Variants in NPAT observed in about 807,000 individuals in gnomAD.
The protein encoded by NPAT is protein NPAT.
In NPAT, 52 loss-of-function variants were observed where a neutral mutation model predicts 130.7. The ratio of observed to expected loss-of-function variants is 0.40; its 90% CI spans 0.32 to 0.50. The LOEUF (loss-of-function observed/expected upper bound fraction) is 0.50. NPAT is among the 20% of genes least tolerant of loss of function. The pLI is 0.68. For missense variants in NPAT, 1,687 were observed against 1,662.6 expected (o/e 1.01, Z -0.26); for synonymous variants, 580 against 584.8 (o/e 0.99, Z 0.12).
Position 108,160,818 on chromosome 11 carries a change from T to A in NPAT, c.4206+62A>T, listed in dbSNP as rs967072005. ...AGTTGTTGTGGCAAGAACTGCTGAA[T>A]TCGCTAATCACTAAAGCGGAAAAAA... On this transcript the variant is annotated intron_variant, in intron 17 of 17. Transcript: ENST00000278612. The A allele has an allele frequency of 7.5e-6, 11 of 1,457,508 alleles. No homozygotes were observed. The Admixed American group carries it at 2.1e-4, about 28-fold the overall frequency. 90.3% of individuals were successfully genotyped at this position (1,457,508 alleles called of 1,614,324 possible).
chr11:108,170,104 CAAAT>C lies in NPAT; in HGVS notation c.2786-65_2786-62del, dbSNP rs1397754341. 1.6e-5 allele frequency: 17 copies of C among 1,033,828 alleles called. 1 individual carries two copies. The highest frequency in any genetic ancestry group is 7.6e-5 in the South Asian group (6 of 78,468). 64.0% of individuals were successfully genotyped at this position (1,033,828 alleles called of 1,614,324 possible). Reference sequence around the variant, plus strand: ...CTGAAATGTTTTGGCACAAAACAAACAAATGTTTGGCACAAATTAATTACTGCTT... The same window carrying C: ...CTGAAATGTTTTGGCACAAAACAAACGTTTGGCACAAATTAATTACTGCTT... On this transcript the variant is annotated intron_variant, in intron 13 of 17. Transcript: ENST00000278612.
In NPAT at chr11:108,188,080, C is replaced by G. The variant is rs1164541972; in HGVS notation, c.638+18G>C. On this transcript the variant is annotated intron_variant, in intron 7 of 17. Transcript: ENST00000278612. ...TTTAATGGATACGGGTAACTTGTCT[C>G]TTTTAAAAAGCATTTACCTTTTGCG... is the stretch of plus-strand genomic sequence containing the variant. 6.5e-7 allele frequency: 1 copy of G among 1,544,600 alleles called. No individual in the cohort carries two copies. The highest frequency in any genetic ancestry group is 8.9e-7 in the Non-Finnish European group (1 of 1,124,828).
intron 11 of NPAT, 132 bp from the exon 12 acceptor site, chr11:108,176,506 C>T: frequency 2.9e-6 from 2 of 692,960 alleles, no homozygotes; most frequent in South Asian, 1.7e-5. Context: ...AAAAATGTTG[C>T]TTTTAATATC....
chr11:108,193,711 T>C (rs753171020), intron 3 of NPAT, among the ~76,000 whole-genome samples: 10 of 151,832 alleles, frequency 6.6e-5, no homozygotes, highest in South Asian at 2.1e-4. Flanking sequence ...GGCAACAAGA[T>C]TGAAACTCCG....
At chr11:108,201,477 T>C (rs2078274906) in intron 1 of NPAT, among the ~76,000 whole-genome samples, 1 of 152,136 alleles carries the variant, frequency 6.6e-6, no homozygotes, top group Non-Finnish European at 1.5e-5. Context: ...AGGGAAGACA[T>C]TCAATCTTTA....
chr11:108,193,445 G>A (rs2134869657), intron 3 of NPAT, among the ~76,000 whole-genome samples: 1 of 152,272 alleles, frequency 6.6e-6, no homozygotes, highest in Non-Finnish European at 1.5e-5. Context: ...CAAACAAATG[G>A]CTGGGGGCAG....
At position 108,196,384 on chromosome 11, in the gene NPAT, C is replaced by T. The variant is rs531198348; in HGVS notation, c.156+918G>A. On this transcript the variant is annotated intron_variant, in intron 2 of 17. Transcript: ENST00000278612. ...GTCTTGAAGTCTGGTAATGTGAGTC[C>T]TCCAAGTTGTTCTTTTTCAGAAACT... Among the ~76,000 whole-genome samples, 3 of 152,342 alleles carry T rather than the reference C, an allele frequency of 2.0e-5. No individual in the cohort carries two copies. The East Asian group carries it at 5.8e-4, about 29-fold the overall frequency.
chr11:108,168,714 A>G (rs1191956490), intron 15 of NPAT, among the ~76,000 whole-genome samples: 4 of 152,232 alleles, frequency 2.6e-5, no homozygotes, highest in Non-Finnish European at 5.9e-5. Context: ...TCGAAGGATA[A>G]ATAAGAACCA....
At chr11:108,190,939 T>C (rs533432049) in intron 4 of NPAT, among the ~76,000 whole-genome samples, 1 of 152,266 alleles carries the variant, frequency 6.6e-6, no homozygotes, top group African/African-American at 2.4e-5. Context: ...CCAGGTGGCA[T>C]GTGCCAGTAG....
intron 1 of NPAT, among the ~76,000 whole-genome samples, chr11:108,216,868 T>G (rs961035054): frequency 2.6e-5 from 4 of 152,214 alleles, no homozygotes; most frequent in African/African-American, 9.6e-5. Context: ...TAGATTAGAT[T>G]TGATGTATTC....
At chr11:108,197,021 A>G (rs564617014) in intron 2 of NPAT, among the ~76,000 whole-genome samples, 5 of 151,696 alleles carry the variant, frequency 3.3e-5, no homozygotes, top group East Asian at 3.9e-4. Context: ...GGTCAGGAAG[A>G]AAAAAAAAGG....
intron 1 of NPAT, among the ~76,000 whole-genome samples, chr11:108,199,006 G>T (rs548541556): frequency 6.6e-6 from 1 of 152,254 alleles, no homozygotes; most frequent in South Asian, 2.1e-4. Context: ...GGAAGCAGGA[G>T]TGGGGCTGGG....
At chr11:108,165,800 AT>A (rs2077897218) in intron 15 of NPAT, among the ~76,000 whole-genome samples, 1 of 151,576 alleles carries the variant, frequency 6.6e-6, no homozygotes, top group African/African-American at 2.4e-5. Context: ...CGCCTGGCTA[AT>A]TTTTTGTATT....
At chr11:108,167,923 C>A (rs193160162) in intron 15 of NPAT, among the ~76,000 whole-genome samples, 2 of 152,126 alleles carry the variant, frequency 1.3e-5, no homozygotes, top group African/African-American at 4.8e-5. Flanking sequence ...AAGCAATTCA[C>A]AGAAGGGAAA....
chr11:108,212,756 C>T (rs1379257402), intron 1 of NPAT, among the ~76,000 whole-genome samples: 1 of 150,128 alleles, frequency 6.7e-6, no homozygotes, highest in Admixed American at 6.6e-5. Flanking sequence ...ACCAGTCTGG[C>T]CAACATGGTG....
Position 108,161,253 on chromosome 11 carries a change from T to A in NPAT, c.3833A>T (p.Lys1278Ile). 1 of 1,614,158 alleles carries A rather than the reference T, an allele frequency of 6.2e-7. No homozygotes were observed. Among genetic ancestry groups the A allele is most frequent in the South Asian group, 1.1e-5 (1 of 91,080 alleles). Residue 1278 changes from lysine to isoleucine, a missense_variant, in exon 17 of 18, where the codon AAA (lysine) becomes ATA (isoleucine). By Grantham distance (102) the Lys-to-Ile change is moderately radical (BLOSUM62 -3). Transcript: ENST00000278612. ...PRTPGSGAGE[K>I]HKEEPIDIIK... ...AATATCTATAGGTTCTTCTTTATGT[T>A]TTTCCCCTGCCCCTGAGCCAGGTGT... is the stretch of plus-strand genomic sequence containing the variant.
intron 13 of NPAT, among the ~76,000 whole-genome samples, chr11:108,170,965 C>T (rs1369715314): frequency 1.3e-5 from 2 of 152,008 alleles, no homozygotes; most frequent in African/African-American, 4.8e-5. Flanking sequence ...AAGAGGGAAG[C>T]TTGGGAACCA....
chr11:108,211,631 G>A (rs1043060446), intron 1 of NPAT, among the ~76,000 whole-genome samples: 28 of 152,110 alleles, frequency 1.8e-4, no homozygotes, highest in African/African-American at 6.5e-4. Context: ...ATGACCAAGT[G>A]GGATTTAATG....
rs779132391 is a variant in NPAT, at chr11:108,186,519, C to T, written c.689G>A (p.Arg230Gln). 1.1e-4 allele frequency: 177 copies of T among 1,613,854 alleles called. 1 individual carries two copies. In the East Asian group the frequency reaches 3.7e-3, roughly 34 times the overall value. The change falls in exon 8 of 18, where the codon CGG (arginine) becomes CAG (glutamine). Residue 230 changes from arginine to glutamine, a missense_variant. Physicochemically the swap from Arg to Gln is conservative, Grantham distance 43. This residue lies in a region of NPAT where 307 missense variants were observed against 298.9 expected (regional missense o/e 1.03). Coordinates refer to ENST00000278612, the MANE Select transcript of NPAT (RefSeq NM_002519.3). The part of the protein sequence containing the change: ...TTLSGPHSTI[R>Q]NFQDPNAFAV... Reference sequence around the variant, plus strand: ...AAAAGCGTTTGGATCTTGGAAATTCCGTATTGTTGAATGAGGGCCAGACAA... The same window carrying T: ...AAAAGCGTTTGGATCTTGGAAATTCTGTATTGTTGAATGAGGGCCAGACAA...
Sources: allele counts gnomAD v4.1 joint callset (sites outside exome capture counted in the v4.1 genomes callset), GRCh38; gene constraint gnomAD v4.1.1; regional missense constraint gnomAD v4.1.1; transcripts MANE v1.5; gene names NCBI Gene and HGNC (gene_info 2026-07-23, HGNC 2026-07-21).